The following RFX3 variants were observed in gnomAD, a reference collection of about 807,000 sequenced individuals.
RFX3 encodes regulatory factor X3.
A neutral mutation model predicts 98.6 loss-of-function variants in RFX3; 14 were observed. The ratio of observed to expected loss-of-function variants is 0.14; its 90% CI spans 0.09 to 0.22. RFX3 has a LOEUF of 0.22. Ranked by LOEUF, RFX3 falls within the 10% of genes least tolerant of loss-of-function variation. The pLI, the probability that RFX3 is intolerant of heterozygous loss-of-function variation, is 1.00. For missense variants in RFX3, 639 were observed against 926.9 expected, an observed-to-expected ratio of 0.69 and a Z score of 4.03; for synonymous variants, 383 against 328.4, an observed-to-expected ratio of 1.17 and a Z score of -1.80.
At chr9:3,344,495 C>T (rs983485258) in intron 3 of RFX3, among the ~76,000 whole-genome samples, 1 of 152,132 alleles carries the variant, frequency 6.6e-6, no homozygotes, top group Non-Finnish European at 1.5e-5. Context: ...ACTGGTACTT[C>T]ATTTCATACA....
chr9:3,435,840 T>C (rs1845078825), intron 1 of RFX3, among the ~76,000 whole-genome samples: 1 of 150,894 alleles, frequency 6.6e-6, no homozygotes, highest in Admixed American at 6.6e-5. Flanking sequence ...AACACTGCCT[T>C]TTATCTGAGT....
At chr9:3,292,885 A>G (rs973755936) in intron 6 of RFX3, among the ~76,000 whole-genome samples, 192 bp downstream of exon 6, 42 of 152,318 alleles carry the variant, frequency 2.8e-4, no homozygotes, top group African/African-American at 9.4e-4. Context: ...TTTAGACAAC[A>G]TATAATTGTG....
chr9:3,418,553 C>G (rs1182728106), intron 1 of RFX3, among the ~76,000 whole-genome samples: 1 of 151,694 alleles, frequency 6.6e-6, no homozygotes, highest in Non-Finnish European at 1.5e-5. Context: ...CTAATTTTTG[C>G]GTTTTTAGTA....
chr9:3,228,704 A>G, intron 16 of RFX3, 143 bp downstream of exon 16: 2 of 585,088 alleles, frequency 3.4e-6, no homozygotes, highest in South Asian at 3.1e-5. Flanking sequence ...GAAATAATGA[A>G]AAGACAGGAG....
At chr9:3,244,003 T>C (rs1460663852) in intron 15 of RFX3, among the ~76,000 whole-genome samples, 1 of 68,380 alleles carries the variant, frequency 1.5e-5, no homozygotes, top group Non-Finnish European at 4.2e-5. Context: ...TTTCTATTTT[T>C]ATTATTTTTT....
intron 1 of RFX3, among the ~76,000 whole-genome samples, chr9:3,513,405 TC>T (rs1817834048): frequency 6.6e-6 from 1 of 152,154 alleles, no homozygotes; most frequent in African/African-American, 2.4e-5. Context: ...AATTATATGA[TC>T]CTGCACTTCA....
At chr9:3,408,483 G>A (rs938482714) in intron 1 of RFX3, among the ~76,000 whole-genome samples, 3 of 152,032 alleles carry the variant, frequency 2.0e-5, no homozygotes, top group South Asian at 2.1e-4. Context: ...TACAAGGATC[G>A]GTCAAGCAGA....
chr9:3,436,794 C>A (rs1202188345), intron 1 of RFX3, among the ~76,000 whole-genome samples: 1 of 151,946 alleles, frequency 6.6e-6, no homozygotes, highest in African/African-American at 2.4e-5. Flanking sequence ...CGATCACACC[C>A]AACTGGAATT....
intron 1 of RFX3, among the ~76,000 whole-genome samples, chr9:3,437,321 C>G (rs1380788053): frequency 6.6e-6 from 1 of 151,992 alleles, no homozygotes; most frequent in Non-Finnish European, 1.5e-5. Flanking sequence ...AATCATCAGT[C>G]CTAACTACTA....
chr9:3,430,972 G>C (rs1043621012), intron 1 of RFX3, among the ~76,000 whole-genome samples: 2 of 152,140 alleles, frequency 1.3e-5, no homozygotes, highest in African/African-American at 4.8e-5. Flanking sequence ...AAAGAACTTA[G>C]AATGCACACG....
chr9:3,221,157 C>G lies in RFX3; in HGVS notation c.*3885G>C, dbSNP rs1817322779. On this transcript the variant is annotated 3_prime_UTR_variant, in exon 17 of 17. Coordinates refer to ENST00000617270, the MANE Select transcript of RFX3 (RefSeq NM_001282116.2). ...TTTTTTCTTTCTACTTGTGTCCACA[C>G]AGGGAGGACCAACATCACAGTGACA... 6.6e-6 allele frequency: 1 copy of G among 152,080 alleles called. No individual in the cohort carries two copies. The highest frequency in any genetic ancestry group is 1.5e-5 in the Non-Finnish European group (1 of 68,002). 9.4% of individuals were successfully genotyped at this position (152,080 alleles called of 1,614,324 possible).
chr9:3,268,536 T>C (rs1823956062), intron 11 of RFX3, among the ~76,000 whole-genome samples: 1 of 151,830 alleles, frequency 6.6e-6, no homozygotes, highest in Non-Finnish European at 1.5e-5. Flanking sequence ...CATTGTAGAA[T>C]GGGAATTAAA....
chr9:3,503,238 A>G (rs974522271), intron 1 of RFX3, among the ~76,000 whole-genome samples: 1 of 152,186 alleles, frequency 6.6e-6, no homozygotes, highest in Non-Finnish European at 1.5e-5. Flanking sequence ...TGCAAGTATA[A>G]TCATTGAACC....
chr9:3,297,929 G>C (rs958911566), intron 5 of RFX3, among the ~76,000 whole-genome samples: 8 of 151,746 alleles, frequency 5.3e-5, no homozygotes, highest in African/African-American at 1.9e-4. Flanking sequence ...TTGTAAATAA[G>C]TGAACACACC....
At chr9:3,358,770 T>C (rs1220926698) in intron 2 of RFX3, among the ~76,000 whole-genome samples, 1 of 152,064 alleles carries the variant, frequency 6.6e-6, no homozygotes, top group Non-Finnish European at 1.5e-5. Flanking sequence ...CCACAGGGCT[T>C]GGGAGGCCTC....
intron 1 of RFX3, among the ~76,000 whole-genome samples, chr9:3,457,437 A>G (rs1056618950): frequency 6.6e-6 from 1 of 152,124 alleles, no homozygotes; most frequent in East Asian, 1.9e-4. Context: ...CCTTACTGTC[A>G]TTAGTCTTCT....
At chr9:3,339,394 C>T (rs1833600061) in intron 3 of RFX3, among the ~76,000 whole-genome samples, 1 of 150,004 alleles carries the variant, frequency 6.7e-6, no homozygotes, top group Non-Finnish European at 1.5e-5. Flanking sequence ...ACAAGAAAAA[C>T]CGAGTAACCA....
At chr9:3,247,328 C>T in intron 15 of RFX3, 1 of 986,720 alleles carries the variant, frequency 1.0e-6, no homozygotes, top group Non-Finnish European at 1.2e-6. Context: ...AGAGAATTTT[C>T]CCCCTTACAT....
chr9:3,438,617 CACA>C (rs2132651621), intron 1 of RFX3, among the ~76,000 whole-genome samples: 1 of 143,928 alleles, frequency 6.9e-6, no homozygotes, highest in East Asian at 2.0e-4. Context: ...AAAAGCAAGA[CACA>C]ACAACATGCT....
Sources: gnomAD v4.1 joint callset for allele counts (sites outside exome capture counted in the v4.1 genomes callset) on GRCh38, gnomAD v4.1.1 for gene constraint, MANE v1.5 for transcripts, NCBI Gene and HGNC (gene_info 2026-07-23, HGNC 2026-07-21) for gene names.